The following TRPM4 variants were observed in gnomAD, a reference collection of about 807,000 sequenced individuals.
TRPM4 encodes calcium-activated non-selective cation channel 1.
In TRPM4, 124 loss-of-function variants were observed where a neutral mutation model predicts 135.6. The ratio of observed to expected loss-of-function variants is 0.91; its 90% confidence interval spans 0.79 to 1.06. The LOEUF (loss-of-function observed/expected upper bound fraction) is 1.06, where lower values mean the gene tolerates loss of function less well. TRPM4 is among the 50% of genes least tolerant of loss of function. The pLI is 0.00. For synonymous variants in TRPM4, 745 were observed against 705.6 expected, an observed-to-expected ratio of 1.06 and a Z score of -0.88; for missense variants, 1,658 against 1,671.4, an observed-to-expected ratio of 0.99 and a Z score of 0.14.
intron 12 of TRPM4, among the ~76,000 whole-genome samples, chr19:49,183,551 C>T (rs187620504): frequency 6.6e-6 from 1 of 151,904 alleles, no homozygotes; most frequent in Non-Finnish European, 1.5e-5. Context: ...CACCTGCCCC[C>T]ACGCCTGGCT....
At chr19:49,169,801 A>G (rs1293253759) in intron 6 of TRPM4, among the ~76,000 whole-genome samples, 1 of 143,760 alleles carries the variant, frequency 7.0e-6, no homozygotes, top group Non-Finnish European at 1.5e-5. Context: ...AAAGTGGTCC[A>G]CCTGCCTCAG....
chr19:49,171,826 G>T lies in TRPM4; in HGVS notation c.1050+57G>T. ...GAGATGGGAGGGAACTGGGGACTTG[G>T]GCTCCTGGGTCTGAGGGAGGAGGGG... On this transcript the variant is annotated intron_variant, in intron 8 of 24. Transcript: ENST00000252826. This position sits in a 1 kb window ranked among gnomAD's most constrained non-coding sequence, Gnocchi z 4.7. 1 of 1,571,572 alleles carries T rather than the reference G, an allele frequency of 6.4e-7. No homozygotes were observed. Among genetic ancestry groups the T allele is most frequent in the Non-Finnish European group, 8.7e-7 (1 of 1,152,188 alleles).
intron 2 of TRPM4, among the ~76,000 whole-genome samples, chr19:49,165,472 C>T (rs925090830): frequency 6.6e-6 from 1 of 152,092 alleles, no homozygotes; most frequent in Non-Finnish European, 1.5e-5. Flanking sequence ...GTTCGTGTCG[C>T]GTTGCCTCTG....
intron 9 of TRPM4, among the ~76,000 whole-genome samples, chr19:49,176,179 C>T (rs1178024518): frequency 2.0e-5 from 3 of 151,914 alleles, no homozygotes; most frequent in Non-Finnish European, 2.9e-5. Context: ...CCGCCTCGGC[C>T]TCCCAAAGTA....
chr19:49,196,190 T>A lies in TRPM4; in HGVS notation c.2211-250T>A, dbSNP rs377478281. ...ATTTTTAAAATATTTTTTGTAGAGATGAGGTTTTGCCATGTTGGCCAGGCT... is the reference window on the plus strand; with the variant it reads ...ATTTTTAAAATATTTTTTGTAGAGAAGAGGTTTTGCCATGTTGGCCAGGCT... On this transcript the variant is annotated intron_variant, in intron 16 of 24. Transcript: ENST00000252826. 5.7e-4 allele frequency among the ~76,000 whole-genome samples: 86 copies of A among 151,846 alleles called. 2 individuals are homozygous for A. Among genetic ancestry groups the A allele is most frequent in the African/African-American group, 1.8e-3 (76 of 41,430 alleles).
chr19:49,168,598 G>A lies in TRPM4; in HGVS notation c.658G>A (p.Gly220Arg), dbSNP rs1161880335. The A allele has an allele frequency of 8.1e-6, 13 of 1,613,626 alleles. No homozygotes were observed. The highest frequency in any genetic ancestry group is 5.3e-5 in the African/African-American group (4 of 74,880). The part of the protein sequence containing the change: ...RYRWRGDPED[G>R]VQFPLDYNYS... ...CCGGTGGCGCGGTGACCCGGAGGAC[G>A]GGGTCCAGTTTCCCCTGGACTACAA... Residue 220 changes from glycine to arginine, a missense_variant, in exon 6 of 25, where the codon GGG becomes AGG. By Grantham distance (125) the Gly-to-Arg change is moderately radical. Coordinates refer to ENST00000252826, the MANE Select transcript of TRPM4 (RefSeq NM_017636.4).
chr19:49,171,445 A>C lies in TRPM4; in HGVS notation c.858+27A>C, dbSNP rs762468500. 1 of 1,613,922 alleles carries C rather than the reference A, an allele frequency of 6.2e-7. No homozygotes were observed. The highest frequency in any genetic ancestry group is 8.5e-7 in the Non-Finnish European group (1 of 1,179,912). On this transcript the variant is annotated intron_variant, in intron 7 of 24. Transcript: ENST00000252826. This position sits in a 1 kb window ranked among gnomAD's most constrained non-coding sequence, Gnocchi z 4.7. The stretch of plus-strand genomic sequence containing the variant: ...TATAGGGGCCCGGATGCCCGGATCT[A>C]AGGGGGAAGGAGGGTTGGGGGCCAG...
In TRPM4 at chr19:49,181,531, T is replaced by TTC. The variant is rs386389176; in HGVS notation, c.1263+71_1263+72insCT. ...TGTGCTGTCCTCCCTCTCTGCCTTC[T>TTC]TTTTTTTTTTTTTTTTTTTTGACGG... On this transcript the variant is annotated intron_variant, in intron 10 of 24. Transcript: ENST00000252826. The TTC allele has an allele frequency of 6.6e-4, 79 of 119,970 alleles. 1 individual carries two copies. Among genetic ancestry groups the TTC allele is most frequent in the Non-Finnish European group, 9.2e-4 (69 of 74,628 alleles). The allele number at this position is 119,970 out of a possible 1,614,324, so 7.4% of individuals were successfully genotyped here. A position where few individuals can be genotyped will look rare whatever the true frequency, so the allele number is the denominator to read the frequency against.
In TRPM4 at chr19:49,190,366, C is replaced by T. The variant is rs754392561; in HGVS notation, c.2132+46C>T. 4 of 1,537,772 alleles carry T rather than the reference C, an allele frequency of 2.6e-6. No homozygotes were observed. In the Admixed American group the frequency reaches 5.0e-5, roughly 19 times the overall value. ...GTGGTGGGGATGGGGGCGGGGTGCTCAGTTTCTCCTTCCTGCCCCCTCTGC... is the reference window on the plus strand; with the variant it reads ...GTGGTGGGGATGGGGGCGGGGTGCTTAGTTTCTCCTTCCTGCCCCCTCTGC... On this transcript the variant is annotated intron_variant, in intron 15 of 24. Coordinates refer to ENST00000252826, the MANE Select transcript of TRPM4 (RefSeq NM_017636.4).
At chr19:49,189,387 C>T (rs1968325183) in intron 14 of TRPM4, among the ~76,000 whole-genome samples, 1 of 152,186 alleles carries the variant, frequency 6.6e-6, no homozygotes, top group Non-Finnish European at 1.5e-5. Context: ...CTTGGAAGTC[C>T]TTCCCGCTTT....
At position 49,182,705 on chromosome 19, in the gene TRPM4, A is replaced by G. The variant is rs1024275933; in HGVS notation, c.1391A>G (p.Tyr464Cys). The G allele has an allele frequency of 3.7e-6, 6 of 1,613,840 alleles. No homozygotes were observed. The African/African-American group carries it at 6.7e-5, about 18-fold the overall frequency. ...FLTPMRLAQL[Y>C]SAAPSNSLIR... ...ACCCCGATGCGCCTGGCCCAACTCT[A>G]CAGCGCGGCGCCCTCCAACTCGCTC... The change falls in exon 11 of 25, where the codon TAC (tyrosine) becomes TGC (cysteine). Residue 464 changes from tyrosine (Y) to cysteine (C), a missense_variant. Tyr to Cys is a radical substitution (Grantham distance 194). Around this residue, in one of 3 missense-constraint regions of TRPM4, gnomAD observed 1,412 missense variants for 1,408.7 expected, o/e 1.00. Transcript: ENST00000252826.
chr19:49,181,585 G>T, intron 10 of TRPM4, 124 bp downstream of exon 10: 1 of 684,748 alleles, frequency 1.5e-6, no homozygotes, highest in Non-Finnish European at 2.4e-6. Flanking sequence ...AGCCTGGAGT[G>T]CAGAGGTGTG....
At chr19:49,200,531 A>G in intron 18 of TRPM4, 80 bp from the exon 19 acceptor site, 1 of 1,595,846 alleles carries the variant, frequency 6.3e-7, no homozygotes, top group Non-Finnish European at 8.5e-7. Context: ...TTTGGGGAGC[A>G]ATGGGGCGTG....
rs1968668357 is a variant in TRPM4 at position 49,196,790 on chromosome 19, A to AGCGCCT, written c.2568_2573dup (p.Arg857_Leu858dup). On this transcript the variant is annotated inframe_insertion, in exon 17 of 25. Transcript: ENST00000252826. ...GGGCCTGGCCATGCCTCACTGAGCC[A>AGCGCCT]GCGCCTGCGCCTCTACCTCGCCGAC... is the stretch of plus-strand genomic sequence containing the variant. 2 of 1,577,662 alleles carry AGCGCCT rather than the reference A, an allele frequency of 1.3e-6. No individual in the cohort carries two copies. Among genetic ancestry groups the AGCGCCT allele is most frequent in the African/African-American group, 1.3e-5 (1 of 74,212 alleles).
At position 49,211,441 on chromosome 19, in the gene TRPM4, G is replaced by A. The variant is rs1568499927; in HGVS notation, c.3641-53G>A. 5 of 1,613,222 alleles carry A rather than the reference G, an allele frequency of 3.1e-6. No individual in the cohort carries two copies. The highest frequency in any genetic ancestry group is 4.2e-6 in the Non-Finnish European group (5 of 1,179,906). ...TTTTTGCCAGTCTCCCAGTTTTTCT[G>A]TCTCTCCCCTTCCCTGCCAATCACC... On this transcript the variant is annotated intron_variant, in intron 24 of 24. Transcript: ENST00000252826. This position sits in a 1 kb window ranked among gnomAD's most constrained non-coding sequence, Gnocchi z 4.8.
At chr19:49,197,399 CCTTTCTTTT>C (rs1477530551) in intron 17 of TRPM4, among the ~76,000 whole-genome samples, 1 of 113,496 alleles carries the variant, frequency 8.8e-6, no homozygotes, top group African/African-American at 3.3e-5. Context: ...CTTTTCTTTT[CCTTTCTTTT>C]CTTTTTCTTT....
chr19:49,165,996 G>GT, intron 2 of TRPM4, 45 bp from the exon 3 acceptor site: 1 of 1,549,242 alleles, frequency 6.5e-7, no homozygotes, highest in African/African-American at 1.4e-5. Flanking sequence ...GGGTGCTGGG[G>GT]TCGGGGGGCA....
intron 9 of TRPM4, among the ~76,000 whole-genome samples, chr19:49,175,168 C>T (rs755556994): frequency 2.4e-4 from 36 of 151,012 alleles, no homozygotes; most frequent in East Asian, 1.9e-4. Flanking sequence ...CTCCGCCTCC[C>T]GGGCTCAAGT....
At chr19:49,180,810 A>G (rs985363614) in intron 9 of TRPM4, among the ~76,000 whole-genome samples, 3 of 151,344 alleles carry the variant, frequency 2.0e-5, no homozygotes, top group Non-Finnish European at 2.9e-5. Flanking sequence ...CCATCTATCC[A>G]TCTATCCACC....
Sources: gnomAD v4.1 joint callset for allele counts (sites outside exome capture counted in the v4.1 genomes callset) on GRCh38, gnomAD v4.1.1 for gene constraint, gnomAD v4.1.1 regional missense constraint, Gnocchi (gnomAD v3.1) non-coding constraint, MANE v1.5 for transcripts, NCBI Gene and HGNC (gene_info 2026-07-23, HGNC 2026-07-21) for gene names.